Variants in CSMD1 observed in about 807,000 individuals in gnomAD.
CSMD1 encodes CUB and Sushi multiple domains 1, also known as CUB and sushi domain-containing protein 1.
Under a neutral mutation model 417.5 loss-of-function variants are expected in CSMD1, and 213 were observed. That is an observed-to-expected ratio of 0.51 (90% CI 0.46 to 0.57). The LOEUF is 0.57. Ranked by LOEUF, CSMD1 falls within the 20% of genes least tolerant of loss-of-function variation. The probability of loss-of-function intolerance (pLI) is 0.00; values close to 1 mark genes in which losing one functional copy is unlikely to be tolerated. For synonymous variants in CSMD1, 2,862 were observed against 1,736.8 expected (o/e 1.65, Z -16.11); for missense variants, 6,923 against 4,529.7 (o/e 1.53, Z -15.17).
At chr8:4,579,034 A>G (rs1799281909) in intron 2 of CSMD1, among the ~76,000 whole-genome samples, 1 of 151,908 alleles carries the variant, frequency 6.6e-6, no homozygotes, top group Non-Finnish European at 1.5e-5. Flanking sequence ...TAAAGGCACA[A>G]TGTTAGACAC....
At chr8:3,513,772 A>G (rs1421623588) in intron 10 of CSMD1, among the ~76,000 whole-genome samples, 1 of 152,246 alleles carries the variant, frequency 6.6e-6, no homozygotes, top group East Asian at 1.9e-4. Flanking sequence ...CAGCTTCACC[A>G]AACACATGAG....
chr8:4,338,284 A>C (rs58357727), intron 3 of CSMD1, among the ~76,000 whole-genome samples: 3 of 152,156 alleles, frequency 2.0e-5, no homozygotes, highest in East Asian at 1.9e-4. Context: ...GCAAGAGTTC[A>C]ATGCAGTAGT....
At chr8:3,975,009 A>C (rs1380465607) in intron 5 of CSMD1, among the ~76,000 whole-genome samples, 3 of 152,214 alleles carry the variant, frequency 2.0e-5, no homozygotes, top group African/African-American at 7.2e-5. Flanking sequence ...TTTGCAGTGA[A>C]AATGGAATAT....
At chr8:4,306,561 A>G (rs1462661169) in intron 3 of CSMD1, among the ~76,000 whole-genome samples, 1 of 152,156 alleles carries the variant, frequency 6.6e-6, no homozygotes, top group African/African-American at 2.4e-5. Context: ...ATGCAAAAAA[A>G]CAGCTCCCTG....
intron 3 of CSMD1, among the ~76,000 whole-genome samples, chr8:4,382,095 G>A (rs1483631622): frequency 2.0e-5 from 3 of 152,104 alleles, no homozygotes; most frequent in Non-Finnish European, 4.4e-5. Flanking sequence ...TTGACACATA[G>A]CACTGTAATT....
chr8:4,603,099 T>A (rs573298329), intron 2 of CSMD1, among the ~76,000 whole-genome samples: 1 of 152,006 alleles, frequency 6.6e-6, no homozygotes, highest in Non-Finnish European at 1.5e-5. Flanking sequence ...ATAAAAATTA[T>A]ATGATGAGAA....
intron 26 of CSMD1, among the ~76,000 whole-genome samples, chr8:3,241,947 A>T (rs577273819): frequency 1.4e-5 from 2 of 144,610 alleles, no homozygotes; most frequent in Non-Finnish European, 3.0e-5. Context: ...TTGGGTAATA[A>T]AATGTATATT....
At chr8:4,202,168 G>C (rs920396361) in intron 3 of CSMD1, among the ~76,000 whole-genome samples, 1 of 152,058 alleles carries the variant, frequency 6.6e-6, no homozygotes, top group Non-Finnish European at 1.5e-5. Flanking sequence ...GGGATGACCA[G>C]CTGTGTTAGT....
intron 3 of CSMD1, among the ~76,000 whole-genome samples, chr8:4,348,241 C>T (rs1454449004): frequency 6.6e-6 from 1 of 152,016 alleles, no homozygotes; most frequent in African/African-American, 2.4e-5. Context: ...ACTAAGTGCT[C>T]TTGACTATCT....
At chr8:3,255,967 G>C (rs1476313670) in intron 26 of CSMD1, among the ~76,000 whole-genome samples, 1 of 152,098 alleles carries the variant, frequency 6.6e-6, no homozygotes, top group Non-Finnish European at 1.5e-5. Context: ...TTCATGCTGG[G>C]AGCTGTAGAC....
chr8:3,407,176 T>TGGAAGGATGGATA (rs1554541647), intron 14 of CSMD1, among the ~76,000 whole-genome samples: 3 of 151,020 alleles, frequency 2.0e-5, no homozygotes, highest in Admixed American at 1.3e-4. Context: ...GAAGGATGGA[T>TGGAAGGATGGATA]AATGGAAGGA....
chr8:4,587,608 C>T (rs943382959), intron 2 of CSMD1, among the ~76,000 whole-genome samples: 5 of 152,150 alleles, frequency 3.3e-5, no homozygotes, highest in South Asian at 2.1e-4. Flanking sequence ...GCTTTACTTA[C>T]AAATAATTGT....
At chr8:4,217,939 T>G (rs1800781549) in intron 3 of CSMD1, among the ~76,000 whole-genome samples, 1 of 152,136 alleles carries the variant, frequency 6.6e-6, no homozygotes, top group South Asian at 2.1e-4. Context: ...AGCAAAGAAA[T>G]GTGCAGAGGC....
At chr8:4,753,292 A>G (rs1370706874) in intron 1 of CSMD1, among the ~76,000 whole-genome samples, 1 of 151,356 alleles carries the variant, frequency 6.6e-6, no homozygotes, top group Non-Finnish European at 1.5e-5. Flanking sequence ...GATGATGAGG[A>G]ATTTTGGAAT....
chr8:4,409,127 A>G lies in CSMD1; in HGVS notation c.415+10826T>C, dbSNP rs538187684. ...TAGCATCTGCATATGGCTATAAATT[A>G]TATTTAATGTACTATACCTGTATTT... is the stretch of plus-strand genomic sequence containing the variant. On this transcript the variant is annotated intron_variant, in intron 3 of 69. Transcript: ENST00000635120. Among the ~76,000 whole-genome samples, 9 of 152,350 alleles carry G rather than the reference A, an allele frequency of 5.9e-5. No homozygotes were observed. The South Asian group carries it at 1.4e-3, about 25-fold the overall frequency.
intron 10 of CSMD1, among the ~76,000 whole-genome samples, chr8:3,527,190 A>T (rs1231576680): frequency 6.6e-6 from 1 of 152,194 alleles, no homozygotes; most frequent in Non-Finnish European, 1.5e-5. Flanking sequence ...TTAATATAAA[A>T]CACTATTATT....
intron 5 of CSMD1, among the ~76,000 whole-genome samples, chr8:3,956,694 C>T (rs1407442005): frequency 6.6e-6 from 1 of 152,030 alleles, no homozygotes; most frequent in African/African-American, 2.4e-5. Flanking sequence ...TGTGGCAGAA[C>T]CTATATTTGA....
chr8:3,986,983 G>C (rs1185579522), intron 5 of CSMD1, among the ~76,000 whole-genome samples: 1 of 152,090 alleles, frequency 6.6e-6, no homozygotes, highest in Non-Finnish European at 1.5e-5. Context: ...TTGAACTACT[G>C]ACATCAAATA....
At chr8:4,385,003 T>G (rs921609094) in intron 3 of CSMD1, among the ~76,000 whole-genome samples, 7 of 152,136 alleles carry the variant, frequency 4.6e-5, no homozygotes, top group African/African-American at 7.2e-5. Flanking sequence ...CTCGGCTCAA[T>G]GCAACCTCCG....
Sources: gnomAD v4.1 joint callset for allele counts (sites outside exome capture counted in the v4.1 genomes callset) on GRCh38, gnomAD v4.1.1 for gene constraint, MANE v1.5 for transcripts, NCBI Gene and HGNC (gene_info 2026-07-23, HGNC 2026-07-21) for gene names.